The following PNPLA7 variants were observed in gnomAD, a reference collection of about 807,000 sequenced individuals.
The protein encoded by PNPLA7 is patatin-like phospholipase domain-containing protein 7.
A neutral mutation model predicts 161.7 loss-of-function variants in PNPLA7; 153 were observed. The observed-to-expected ratio is 0.95, with a 90% CI of 0.83 to 1.08. The LOEUF is 1.08. Ranked by LOEUF, PNPLA7 falls within the 50% of genes least tolerant of loss-of-function variation. The probability of loss-of-function intolerance (pLI) is 0.00; values close to 1 mark genes in which losing one functional copy is unlikely to be tolerated. For missense variants in PNPLA7, 1,739 were observed against 1,856.6 expected (o/e 0.94, Z 1.16); for synonymous variants, 809 against 782.1 (o/e 1.03, Z -0.57).
intron 4 of PNPLA7, among the ~76,000 whole-genome samples, chr9:137,546,389 G>A (rs2254139): frequency 0.2 from 29,802 of 151,826 alleles, 3,892 homozygotes; most frequent in African/African-American, 0.36. Flanking sequence ...TGGTGGTAGT[G>A]GTCCCCAGGA....
chr9:137,518,569 C>T (rs1374791931), intron 11 of PNPLA7, among the ~76,000 whole-genome samples: 1 of 57,706 alleles, frequency 1.7e-5, no homozygotes, highest in African/African-American at 7.3e-5. Context: ...TCCACTCTGT[C>T]CACTCCATCC....
chr9:137,478,400 C>G, intron 24 of PNPLA7: 1 of 278,408 alleles, frequency 3.6e-6, no homozygotes, highest in Non-Finnish European at 6.6e-6. Context: ...AGAGTGGGCC[C>G]GGGTGGGGGG....
chr9:137,522,711 T>C lies in PNPLA7; in HGVS notation c.876+18A>G, dbSNP rs1420767316. Reference sequence around the variant, plus strand: ...TGACCCACAGCAGCTAGAAGAGTTGTCTGAAAAAGTGACTCACCTGCACCA... The same window carrying C: ...TGACCCACAGCAGCTAGAAGAGTTGCCTGAAAAAGTGACTCACCTGCACCA... On this transcript the variant is annotated intron_variant, in intron 9 of 34. Transcript: ENST00000406427. 9.3e-6 allele frequency: 15 copies of C among 1,612,730 alleles called. No homozygotes were observed. Among genetic ancestry groups the C allele is most frequent in the Non-Finnish European group, 1.2e-5 (14 of 1,179,400 alleles).
chr9:137,463,601 G>A, intron 28 of PNPLA7, 70 bp from the exon 29 acceptor site: 1 of 1,156,208 alleles, frequency 8.6e-7, no homozygotes, highest in Non-Finnish European at 1.2e-6. Context: ...TCAGGGCCTT[G>A]CCACTGCAGT....
Position 137,479,058 on chromosome 9 carries a change from G to A in PNPLA7, c.2761C>T (p.Leu921=), listed in dbSNP as rs777162580. Residue 921 remains leucine (L), a splice_region_variant and synonymous_variant, in exon 24 of 35, where the codon CTG becomes TTG. Transcript: ENST00000406427. ...RVFSRRSLPK[L]VEMYKHVFQR... ...GCAGCCTCCTCTCCCCGCCTCACCA[G>A]CTTGGGCAGGCTCCTCCTGGAGAAG... The A allele has an allele frequency of 6.3e-6, 10 of 1,581,196 alleles. No individual in the cohort carries two copies. In the African/African-American group the frequency reaches 1.3e-4, roughly 21 times the overall value.
intron 8 of PNPLA7, among the ~76,000 whole-genome samples, chr9:137,527,153 G>A (rs1835342431): frequency 6.6e-6 from 1 of 150,724 alleles, no homozygotes. Context: ...TGTAGTCCCA[G>A]CTACTTGGGA....
chr9:137,522,084 T>A (rs1588673305), intron 9 of PNPLA7, among the ~76,000 whole-genome samples: 1 of 151,690 alleles, frequency 6.6e-6, no homozygotes, highest in East Asian at 1.9e-4. Context: ...TATATTACAA[T>A]TTTTTTTTGA....
At chr9:137,502,594 G>C (rs995883949) in intron 14 of PNPLA7, among the ~76,000 whole-genome samples, 9 of 132,938 alleles carry the variant, frequency 6.8e-5, no homozygotes, top group Non-Finnish European at 1.2e-4. Flanking sequence ...TTGTCAGCCC[G>C]AGGAGGAGCC....
At chr9:137,545,873 T>C (rs575556596) in intron 4 of PNPLA7, among the ~76,000 whole-genome samples, 55 of 152,276 alleles carry the variant, frequency 3.6e-4, no homozygotes, top group African/African-American at 1.1e-3. Flanking sequence ...GACCGTGATC[T>C]AGCGGTAGCG....
At chr9:137,514,492 G>C (rs1240643642) in intron 12 of PNPLA7, among the ~76,000 whole-genome samples, 1 of 138,620 alleles carries the variant, frequency 7.2e-6, no homozygotes, top group Non-Finnish European at 1.6e-5. Context: ...CTGTGGCCGG[G>C]TCACCTGACT....
chr9:137,506,065 GTGGCACTGCC>G lies in PNPLA7; in HGVS notation c.1234_1243del (p.Gly412LeufsTer33). ...GTCACATGCCATCCCCAGATCAGAA[GTGGCACTGCC>G]TGGGCCCCCTACACACAGAGGGGAC... On this transcript the variant is annotated frameshift_variant, in exon 13 of 35. Coordinates refer to ENST00000406427, the MANE Select transcript of PNPLA7 (RefSeq NM_001098537.3). LOFTEE classifies it high-confidence loss of function. The G allele has an allele frequency of 6.2e-7, 1 of 1,612,860 alleles. No individual in the cohort carries two copies. The highest frequency in any genetic ancestry group is 8.5e-7 in the Non-Finnish European group (1 of 1,179,674).
At chr9:137,491,117 G>A (rs1394356520) in intron 20 of PNPLA7, among the ~76,000 whole-genome samples, 2 of 152,176 alleles carry the variant, frequency 1.3e-5, no homozygotes, top group African/African-American at 4.8e-5. Context: ...AGAAAAGCTG[G>A]GCGCAGAGGC....
Position 137,524,623 on chromosome 9 carries a change from T to A in PNPLA7, c.748-1766A>T, listed in dbSNP as rs1205612071. ...TTGTACGGAACACGTATCCTCACATTTATAAGAAACTACCAAACTGTCTCC... is the reference window on the plus strand; with the variant it reads ...TTGTACGGAACACGTATCCTCACATATATAAGAAACTACCAAACTGTCTCC... On this transcript the variant is annotated intron_variant, in intron 8 of 34. Transcript: ENST00000406427. This position sits in a 1 kb window ranked among gnomAD's most constrained non-coding sequence, Gnocchi z 4.4. Among the ~76,000 whole-genome samples the A allele has an allele frequency of 6.6e-6, 1 of 152,234 alleles. No individual in the cohort carries two copies. Among genetic ancestry groups the A allele is most frequent in the Non-Finnish European group, 1.5e-5 (1 of 68,028 alleles).
At chr9:137,465,242 C>G (rs978699183) in intron 26 of PNPLA7, among the ~76,000 whole-genome samples, 3 of 152,184 alleles carry the variant, frequency 2.0e-5, no homozygotes, top group African/African-American at 7.2e-5. Context: ...TGCCCAGTAC[C>G]AGAGGGGCTC....
At chr9:137,480,800 T>C in intron 22 of PNPLA7, 160 bp downstream of exon 22, 1 of 877,974 alleles carries the variant, frequency 1.1e-6, no homozygotes, top group East Asian at 2.7e-5. Context: ...CGCTGCCCAG[T>C]GTGTCCAGTG....
In PNPLA7 at chr9:137,497,011, C is replaced by T. The variant is rs191983991; in HGVS notation, c.2013+176G>A. Among the ~76,000 whole-genome samples, 81 of 152,306 alleles carry T rather than the reference C, an allele frequency of 5.3e-4. No individual in the cohort carries two copies. The Middle Eastern group carries it at 0.01, about 19-fold the overall frequency. ...AGCAAAGCAGCCGCGGGGAGTCCCCCCAATGGAGGCAGAGCCCGGGGCTCA... is the reference window on the plus strand; with the variant it reads ...AGCAAAGCAGCCGCGGGGAGTCCCCTCAATGGAGGCAGAGCCCGGGGCTCA... On this transcript the variant is annotated intron_variant, in intron 18 of 34. Transcript: ENST00000406427.
Position 137,484,588 on chromosome 9 carries a change from G to T in PNPLA7, c.2346C>A (p.Ile782=), listed in dbSNP as rs757771069. Residue 782 remains isoleucine, a splice_region_variant and synonymous_variant, in exon 21 of 35, where the codon ATC becomes ATA. Coordinates refer to ENST00000406427, the MANE Select transcript of PNPLA7 (RefSeq NM_001098537.3). ...ALELEHALSA[I]GPTLLLTSDN... ...GGAGGCTGGGAGGCTCAGGCTTACC[G>T]ATGGCGCTGAGGGCATGCTCCAGCT... is the stretch of plus-strand genomic sequence containing the variant. 6.3e-7 allele frequency: 1 copy of T among 1,599,586 alleles called. No homozygotes were observed.
intron 14 of PNPLA7, among the ~76,000 whole-genome samples, chr9:137,502,933 G>T (rs573035323): frequency 6.6e-6 from 1 of 151,834 alleles, no homozygotes; most frequent in South Asian, 2.1e-4. Context: ...TTGCTTCAAG[G>T]GGGGGCACCC....
chr9:137,542,678 C>T lies in PNPLA7; in HGVS notation c.630G>A (p.Val210=), dbSNP rs762059679. 2.5e-6 allele frequency: 4 copies of T among 1,613,096 alleles called. No homozygotes were observed. Among genetic ancestry groups the T allele is most frequent in the East Asian group, 2.2e-5 (1 of 44,884 alleles). The change falls in exon 7 of 35, where the codon GTG becomes GTA. Residue 210 remains valine (V), a synonymous_variant. Transcript: ENST00000406427. ...PREPDPSICV[V]QDGRLEVCIQ... is the part of the protein sequence containing the mutation. ...TGCAGACCTCCAGCCGCCCGTCCTG[C>T]ACCACACAGATGCTGGGGTCCGGCT...
Sources: gnomAD v4.1 joint callset for allele counts (sites outside exome capture counted in the v4.1 genomes callset) on GRCh38, gnomAD v4.1.1 for gene constraint, Gnocchi (gnomAD v3.1) non-coding constraint, MANE v1.5 for transcripts, NCBI Gene and HGNC (gene_info 2026-07-23, HGNC 2026-07-21) for gene names.